The following LRRC14 variants were observed in gnomAD, a reference collection of about 807,000 sequenced individuals.
LRRC14 encodes leucine rich repeat containing 14, also known as leucine-rich repeat-containing protein 14.
LRRC14 carries 16 observed loss-of-function variants against 25.3 expected under a neutral mutation model. That is an observed-to-expected ratio of 0.63 (90% CI 0.43 to 0.96). The LOEUF is 0.96. Among genes scored for constraint, LRRC14 ranks in the 40% least tolerant of loss-of-function variants. The pLI, the probability that LRRC14 is intolerant of heterozygous loss-of-function variation, is 0.00. For missense variants in LRRC14, 594 were observed against 660.5 expected (o/e 0.90, Z 1.10); for synonymous variants, 359 against 295.1 (o/e 1.22, Z -2.22).
Position 144,523,481 on chromosome 8 carries a change from A to T in LRRC14, c.*2003A>T. On this transcript the variant is annotated 3_prime_UTR_variant, in exon 4 of 4. Transcript: ENST00000292524. ...ACAGCCTGTGCAGTTGGGGTTTTGC[A>T]GGCCAGGACAGAGGCCTCTTTCCCA... 6.8e-7 allele frequency: 1 copy of T among 1,472,366 alleles called. No homozygotes were observed. Among genetic ancestry groups the T allele is most frequent in the African/African-American group, 1.4e-5 (1 of 69,750 alleles). 91.2% of individuals were successfully genotyped at this position (1,472,366 alleles called of 1,614,324 possible).
Position 144,519,679 on chromosome 8 carries a change from T to A in LRRC14, c.-47T>A. On this transcript the variant is annotated 5_prime_UTR_variant, in exon 2 of 4. Coordinates refer to ENST00000292524, the MANE Select transcript of LRRC14 (RefSeq NM_014665.4). ...GTAGTGGCCTAGGGTCTCTCCTCCC[T>A]GCTGAAGTCCCTCTCCTGCAGGTGG... 6.6e-7 allele frequency: 1 copy of A among 1,523,132 alleles called. No homozygotes were observed. The highest frequency in any genetic ancestry group is 8.9e-7 in the Non-Finnish European group (1 of 1,124,398). The allele number at this position is 1,523,132 out of a possible 1,614,324, so 94.4% of individuals were successfully genotyped here. A position where few individuals can be genotyped will look rare whatever the true frequency, so the allele number is the denominator to read the frequency against.
chr8:144,523,088 A>C lies in LRRC14; in HGVS notation c.*1610A>C, dbSNP rs959322800. On this transcript the variant is annotated 3_prime_UTR_variant, in exon 4 of 4. Coordinates refer to ENST00000292524, the MANE Select transcript of LRRC14 (RefSeq NM_014665.4). ...GCCCAGGCCCAGCAACCCGCCTTCT[A>C]GCTGGGCCTGGGCTCGCGGCCGGCC... 4 of 1,608,538 alleles carry C rather than the reference A, an allele frequency of 2.5e-6. No individual in the cohort carries two copies. In the African/African-American group the frequency reaches 4.0e-5, roughly 16 times the overall value.
rs533411618 is a variant in LRRC14, at chr8:144,522,163, C to A, written c.*685C>A. On this transcript the variant is annotated 3_prime_UTR_variant, in exon 4 of 4. Coordinates refer to ENST00000292524, the MANE Select transcript of LRRC14 (RefSeq NM_014665.4). ...CGCGGGGCAGCCCCGTCGGCACTGC[C>A]GGCCAGTCCTTGCTCTTCCCACCTT... is the stretch of plus-strand genomic sequence containing the variant. 5.7e-6 allele frequency: 2 copies of A among 350,512 alleles called. No individual in the cohort carries two copies. The highest frequency in any genetic ancestry group is 9.9e-5 in the South Asian group (1 of 10,152). The allele number at this position is 350,512 out of a possible 1,614,324, so 21.7% of individuals were successfully genotyped here.
Position 144,520,586 on chromosome 8 carries a change from C to A in LRRC14, c.678C>A (p.Asp226Glu). ...LLDAGCLRRV[D>E]LRFNNLGLRG... ...ATGCAGGCTGCCTGCGCCGCGTGGACCTGCGCTTCAACAATCTGGGCCTGC... is the reference window on the plus strand; with the variant it reads ...ATGCAGGCTGCCTGCGCCGCGTGGAACTGCGCTTCAACAATCTGGGCCTGC... The change falls in exon 3 of 4, where the codon GAC becomes GAA. Residue 226 changes from aspartate (D) to glutamate (E), a missense_variant. Transcript: ENST00000292524. 1.9e-6 allele frequency: 3 copies of A among 1,600,828 alleles called. No individual in the cohort carries two copies. Among genetic ancestry groups the A allele is most frequent in the Non-Finnish European group, 2.5e-6 (3 of 1,179,944 alleles).
intron 1 of LRRC14, chr8:144,519,214 G>A: frequency 5.7e-6 from 1 of 176,354 alleles, no homozygotes; most frequent in Non-Finnish European, 1.2e-5. Flanking sequence ...GCCCTGGAGA[G>A]CATCTGTGAG....
Position 144,520,038 on chromosome 8 carries a change from A to C in LRRC14, c.313A>C (p.Thr105Pro). Reference sequence around the variant, plus strand: ...CCACACCTCAGAGCCTGGGGCCAGCACACAGCCCCTCTGCAGGTATGGACT... The same window carrying C: ...CCACACCTCAGAGCCTGGGGCCAGCCCACAGCCCCTCTGCAGGTATGGACT... Reference protein sequence around the residue: ...RLHTSEPGASTQPLCRKHALR... With the variant: ...RLHTSEPGASPQPLCRKHALR... Residue 105 changes from threonine (T) to proline (P), a missense_variant, in exon 2 of 4, where the codon ACA becomes CCA. Coordinates refer to ENST00000292524, the MANE Select transcript of LRRC14 (RefSeq NM_014665.4). The C allele has an allele frequency of 6.2e-7, 1 of 1,605,086 alleles. No homozygotes were observed. The highest frequency in any genetic ancestry group is 8.5e-7 in the Non-Finnish European group (1 of 1,177,646).
Position 144,520,920 on chromosome 8 carries a change from G to C in LRRC14, c.924G>C (p.Gln308His). 2 of 1,610,188 alleles carry C rather than the reference G, an allele frequency of 1.2e-6. No homozygotes were observed. Among genetic ancestry groups the C allele is most frequent in the Non-Finnish European group, 1.7e-6 (2 of 1,179,422 alleles). ...CCTGTGTCCCCTGTAGCACCCTGCA[G>C]AGCCCCCTGGAGAGCCTGGAGTTGG... The part of the protein sequence containing the change: ...GRLDQLLSTL[Q>H]SPLESLELAF... The change falls in exon 4 of 4, where the codon CAG becomes CAC. Residue 308 changes from glutamine to histidine, a missense_variant. By Grantham distance (24) the Gln-to-His change is conservative. Transcript: ENST00000292524.
At position 144,522,600 on chromosome 8, in the gene LRRC14, T is replaced by C. The variant is rs1278792434; in HGVS notation, c.*1122T>C. On this transcript the variant is annotated 3_prime_UTR_variant, in exon 4 of 4. Coordinates refer to ENST00000292524, the MANE Select transcript of LRRC14 (RefSeq NM_014665.4). ...GCGAAGAGCGGCTTGGAGCGGTTGA[T>C]GACGAACATCTCGTGGCCGCGCTCG... The C allele has an allele frequency of 3.2e-6, 5 of 1,568,074 alleles. No individual in the cohort carries two copies. The highest frequency in any genetic ancestry group is 3.7e-5 in the Admixed American group (2 of 54,402).
intron 2 of LRRC14, 27 bp from the exon 3 acceptor site, chr8:144,520,211 C>G (rs767140744): frequency 1.3e-6 from 2 of 1,598,748 alleles, no homozygotes; most frequent in Admixed American, 1.7e-5. Context: ...CCCCTCCACC[C>G]CTTCCTCACA....
rs1200435557 is a variant in LRRC14, at chr8:144,522,539, G to T, written c.*1061G>T. The stretch of plus-strand genomic sequence containing the variant: ...GAGTCCCGGCCCCGCCCCCTGTTCC[G>T]GGCCGCAGTCAGCGGGCGCCTCCGC... On this transcript the variant is annotated 3_prime_UTR_variant, in exon 4 of 4. Transcript: ENST00000292524. 2.6e-6 allele frequency: 4 copies of T among 1,524,990 alleles called. No homozygotes were observed. The highest frequency in any genetic ancestry group is 3.5e-6 in the Non-Finnish European group (4 of 1,138,030). The allele number at this position is 1,524,990 out of a possible 1,614,324, so 94.5% of individuals were successfully genotyped here. A position where few individuals can be genotyped will look rare whatever the true frequency, so the allele number is the denominator to read the frequency against.
At position 144,523,191 on chromosome 8, in the gene LRRC14, C is replaced by T. The variant is rs779635249; in HGVS notation, c.*1713C>T. 1.7e-5 allele frequency: 27 copies of T among 1,609,616 alleles called. No homozygotes were observed. In the African/African-American group the frequency reaches 3.3e-4, roughly 20 times the overall value. ...GAGGCTTGGCAGGCAACCCGCAGGT[C>T]CTCACCCAGGTTGGCTGTGAGCTCC... On this transcript the variant is annotated 3_prime_UTR_variant, in exon 4 of 4. Coordinates refer to ENST00000292524, the MANE Select transcript of LRRC14 (RefSeq NM_014665.4).
rs35567733 is a variant in LRRC14, at chr8:144,519,310, T to G, written c.-111-305T>G. 1,813 of 267,064 alleles carry G rather than the reference T, an allele frequency of 6.8e-3. 18 individuals carry two copies. Among genetic ancestry groups the G allele is most frequent in the African/African-American group, 0.027 (1,267 of 46,102 alleles). 16.5% of individuals were successfully genotyped at this position (267,064 alleles called of 1,614,324 possible). ...TGCTGATGAAGGTTGGTGGGGAGAG[T>G]CCTGGGCTTTATTCAGGTTTCGAAG... On this transcript the variant is annotated intron_variant, in intron 1 of 3. Transcript: ENST00000292524.
At position 144,523,197 on chromosome 8, in the gene LRRC14, C is replaced by G; in HGVS notation, c.*1719C>G. On this transcript the variant is annotated 3_prime_UTR_variant, in exon 4 of 4. Transcript: ENST00000292524. ...TGGCAGGCAACCCGCAGGTCCTCAC[C>G]CAGGTTGGCTGTGAGCTCCAGCGGC... The G allele has an allele frequency of 1.2e-6, 2 of 1,609,704 alleles. No homozygotes were observed. Among genetic ancestry groups the G allele is most frequent in the Non-Finnish European group, 8.5e-7 (1 of 1,178,678 alleles).
In LRRC14 at chr8:144,522,533, TG is replaced by T; in HGVS notation, c.*1056del. On this transcript the variant is annotated 3_prime_UTR_variant, in exon 4 of 4. Coordinates refer to ENST00000292524, the MANE Select transcript of LRRC14 (RefSeq NM_014665.4). ...CACGCGGAGTCCCGGCCCCGCCCCCTGTTCCGGGCCGCAGTCAGCGGGCGCC... is the reference window on the plus strand; with the variant it reads ...CACGCGGAGTCCCGGCCCCGCCCCCTTTCCGGGCCGCAGTCAGCGGGCGCC... 6.6e-7 allele frequency: 1 copy of T among 1,520,688 alleles called. No homozygotes were observed. The highest frequency in any genetic ancestry group is 8.8e-7 in the Non-Finnish European group (1 of 1,136,506). The allele number at this position is 1,520,688 out of a possible 1,614,324, so 94.2% of individuals were successfully genotyped here.
In LRRC14 at chr8:144,523,679, T is replaced by G; in HGVS notation, c.*2201T>G. 2.2e-6 allele frequency: 1 copy of G among 448,962 alleles called. No individual in the cohort carries two copies. The highest frequency in any genetic ancestry group is 5.9e-5 in the South Asian group (1 of 17,062). The allele number at this position is 448,962 out of a possible 1,614,324, so 27.8% of individuals were successfully genotyped here. On this transcript the variant is annotated 3_prime_UTR_variant, in exon 4 of 4. Coordinates refer to ENST00000292524, the MANE Select transcript of LRRC14 (RefSeq NM_014665.4). Reference sequence around the variant, plus strand: ...TCTGAGAAAGCACCTGCTCCTTAAGTCTTCCTGCAACAAGTGCCACTGTTT... The same window carrying G: ...TCTGAGAAAGCACCTGCTCCTTAAGGCTTCCTGCAACAAGTGCCACTGTTT...
chr8:144,519,498 A>G, intron 1 of LRRC14, 117 bp from the exon 2 acceptor site: 1 of 589,516 alleles, frequency 1.7e-6, no homozygotes, highest in South Asian at 2.0e-5. Context: ...GTGCATCTGG[A>G]GGGCTGGGGC....
rs778907033 is a variant in LRRC14 at position 144,520,326 on chromosome 8, A to T, written c.418A>T (p.Thr140Ser). 43 of 1,612,182 alleles carry T rather than the reference A, an allele frequency of 2.7e-5. No homozygotes were observed. Among genetic ancestry groups the T allele is most frequent in the Non-Finnish European group, 3.6e-5 (43 of 1,179,956 alleles). ...TGGCACCATGAGCATGTGGGACTGT[A>T]CTGCTGCCGTAGCTCGCACATGCAT... The part of the protein sequence containing the change: ...DPGTMSMWDC[T>S]AAVARTCIAQ... Residue 140 changes from threonine to serine, a missense_variant, in exon 3 of 4, where the codon ACT becomes TCT. Thr to Ser is a moderately conservative substitution (Grantham distance 58). Coordinates refer to ENST00000292524, the MANE Select transcript of LRRC14 (RefSeq NM_014665.4).
Position 144,520,902 on chromosome 8 carries a change from C to T in LRRC14, c.915-9C>T, listed in dbSNP as rs369213173. ...CTCTGCCTGTCTGTGACCCCTGTGT[C>T]CCCTGTAGCACCCTGCAGAGCCCCC... is the stretch of plus-strand genomic sequence containing the variant. On this transcript the variant is annotated splice_polypyrimidine_tract_variant and intron_variant, in intron 3 of 3. Coordinates refer to ENST00000292524, the MANE Select transcript of LRRC14 (RefSeq NM_014665.4). 6.2e-6 allele frequency: 10 copies of T among 1,604,382 alleles called. No individual in the cohort carries two copies. The South Asian group carries it at 7.7e-5, about 12-fold the overall frequency.
rs1193722919 is a variant in LRRC14, at chr8:144,523,035, C to T, written c.*1557C>T. 1.2e-6 allele frequency: 2 copies of T among 1,601,568 alleles called. No homozygotes were observed. The highest frequency in any genetic ancestry group is 1.7e-6 in the Non-Finnish European group (2 of 1,175,972). Reference sequence around the variant, plus strand: ...GTGATGTTGCTGAGGAAGAGCATGCCGCTGCCCGTGTCGGATGCCGAGTGT... The same window carrying T: ...GTGATGTTGCTGAGGAAGAGCATGCTGCTGCCCGTGTCGGATGCCGAGTGT... On this transcript the variant is annotated 3_prime_UTR_variant, in exon 4 of 4. Coordinates refer to ENST00000292524, the MANE Select transcript of LRRC14 (RefSeq NM_014665.4).
Sources: gnomAD v4.1 joint callset for allele counts on GRCh38, gnomAD v4.1.1 for gene constraint, MANE v1.5 for transcripts, NCBI Gene and HGNC (gene_info 2026-07-23, HGNC 2026-07-21) for gene names.